ZNF184: variants seen among roughly 807,000 people sequenced by gnomAD.
The protein encoded by ZNF184 is zinc finger protein 184.
In ZNF184, 16 loss-of-function variants were observed where a neutral mutation model predicts 54.4. That is an observed-to-expected ratio of 0.29 (90% CI 0.20 to 0.45). The LOEUF is 0.45. Ranked by LOEUF, ZNF184 falls within the 20% of genes least tolerant of loss-of-function variation. ZNF184 has a pLI of 1.00. For missense variants in ZNF184, 681 were observed against 888.2 expected (o/e 0.77, Z 2.97); for synonymous variants, 254 against 295.3 (o/e 0.86, Z 1.43).
At chr6:27,464,367 T>C (rs1763071047) in intron 3 of ZNF184, among the ~76,000 whole-genome samples, 1 of 152,020 alleles carries the variant, frequency 6.6e-6, no homozygotes, top group Non-Finnish European at 1.5e-5. Context: ...ATAAAAACTG[T>C]GGTGGGGGGA....
At chr6:27,467,329 C>T (rs755668401) in intron 3 of ZNF184, among the ~76,000 whole-genome samples, 1 of 152,100 alleles carries the variant, frequency 6.6e-6, no homozygotes, top group Non-Finnish European at 1.5e-5. Context: ...GGCGTGGTGG[C>T]TCACACCTGC....
Position 27,452,271 on chromosome 6 carries a change from G to A in ZNF184, c.1288C>T (p.His430Tyr). 6.2e-7 allele frequency: 1 copy of A among 1,613,916 alleles called. No individual in the cohort carries two copies. The highest frequency in any genetic ancestry group is 8.5e-7 in the Non-Finnish European group (1 of 1,179,970). Residue 430 changes from histidine to tyrosine, a missense_variant, in exon 6 of 6, where the codon CAC becomes TAC. Physicochemically the swap from His to Tyr is moderately conservative, Grantham distance 83 (BLOSUM62 2). Coordinates refer to ENST00000683788, the MANE Select transcript of ZNF184 (RefSeq NM_001318891.2). The surrounding 1 kb of genome is among the most constrained non-coding windows in gnomAD (Gnocchi z 5.5). The part of the protein sequence containing the change: ...CNECGKAFSQ[H>Y]SNLTQHQKTH... ...TTTTGATGCTGAGTGAGGTTTGAGT[G>A]CTGGCTGAAGGCTTTCCCACATTCA...
chr6:27,466,245 C>T (rs1763135212), intron 3 of ZNF184, among the ~76,000 whole-genome samples: 1 of 152,002 alleles, frequency 6.6e-6, no homozygotes, highest in South Asian at 2.1e-4. Context: ...CCTCTAGAAG[C>T]TGGAAAAGGC....
rs1763306001 is a variant in ZNF184, at chr6:27,472,605, C to G, written c.-140+124G>C. 2.7e-6 allele frequency: 1 copy of G among 369,714 alleles called. No individual in the cohort carries two copies. 22.9% of individuals were successfully genotyped at this position (369,714 alleles called of 1,614,324 possible). A position where few individuals can be genotyped will look rare whatever the true frequency, so the allele number is the denominator to read the frequency against. ...GAGATCGGGTACGCGGGTTCTGCTT[C>G]AGATCCAAAAAACCCTTGGTGCCCA... On this transcript the variant is annotated intron_variant, in intron 1 of 5. Transcript: ENST00000683788. This position sits in a 1 kb window ranked among gnomAD's most constrained non-coding sequence, Gnocchi z 4.8.
chr6:27,456,200 G>C (rs1291289095), intron 5 of ZNF184, among the ~76,000 whole-genome samples: 1 of 152,068 alleles, frequency 6.6e-6, no homozygotes, highest in Non-Finnish European at 1.5e-5. Flanking sequence ...AGAAGCTGCA[G>C]TGAGCCAAGA....
the ZNF184 span, among the ~76,000 whole-genome samples, chr6:27,416,061 T>G: frequency 6.6e-6 from 1 of 152,230 alleles, no homozygotes; most frequent in Non-Finnish European, 1.5e-5. Context: ...CTTGCCTCTT[T>G]ACTTGTCTCT....
chr6:27,427,069 A>T, the ZNF184 span, among the ~76,000 whole-genome samples: 1 of 150,302 alleles, frequency 6.7e-6, no homozygotes, highest in Non-Finnish European at 1.5e-5. Context: ...AAAGATTTCT[A>T]GAACGTATTA....
the ZNF184 span, among the ~76,000 whole-genome samples, chr6:27,408,547 A>G: frequency 1.3e-5 from 2 of 152,354 alleles, no homozygotes; most frequent in East Asian, 3.9e-4. Context: ...AAGAATATCA[A>G]ATATTGAGTT....
chr6:27,466,508 G>T (rs1274842219), intron 3 of ZNF184, among the ~76,000 whole-genome samples: 1 of 152,094 alleles, frequency 6.6e-6, no homozygotes, highest in Non-Finnish European at 1.5e-5. Flanking sequence ...AAAAAAACAA[G>T]TCTCCATAAA....
the ZNF184 span, among the ~76,000 whole-genome samples, chr6:27,436,442 G>A: frequency 6.6e-6 from 1 of 152,184 alleles, no homozygotes; most frequent in African/African-American, 2.4e-5. Context: ...GGGATTACAG[G>A]CATGAGCCAC....
the ZNF184 span, among the ~76,000 whole-genome samples, chr6:27,418,615 C>T: frequency 6.6e-6 from 1 of 152,128 alleles, no homozygotes; most frequent in Non-Finnish European, 1.5e-5. Flanking sequence ...TTTTCTGACC[C>T]TAGGGAGTTG....
At chr6:27,442,880 A>AAAAAGAAAG in the ZNF184 span, among the ~76,000 whole-genome samples, 2 of 86,174 alleles carry the variant, frequency 2.3e-5, 1 homozygote, top group Non-Finnish European at 4.9e-5. Flanking sequence ...GAAAGAAAGA[A>AAAAAGAAAG]AAAGAAAAAA....
At chr6:27,456,692 A>T in intron 5 of ZNF184, 134 bp downstream of exon 5, 2 of 736,664 alleles carry the variant, frequency 2.7e-6, no homozygotes, top group Non-Finnish European at 4.4e-6. Context: ...TCCAGAAAAC[A>T]GATGTTTTCC....
the ZNF184 span, among the ~76,000 whole-genome samples, chr6:27,422,164 G>A: frequency 5.1e-5 from 2 of 39,458 alleles, 1 homozygote; most frequent in Non-Finnish European, 1.1e-4. Context: ...AAGAAAGAAA[G>A]AAAGAAAGAA....
chr6:27,419,698 C>T, the ZNF184 span, among the ~76,000 whole-genome samples: 2 of 95,938 alleles, frequency 2.1e-5, no homozygotes, highest in African/African-American at 3.3e-5. This position sits in a 1 kb window ranked among gnomAD's most constrained non-coding sequence, Gnocchi z 4.8. Context: ...TCATGCTCCA[C>T]AACAATCTTA....
At chr6:27,430,040 A>G in the ZNF184 span, among the ~76,000 whole-genome samples, 1 of 152,336 alleles carries the variant, frequency 6.6e-6, no homozygotes, top group East Asian at 1.9e-4. Flanking sequence ...TGGGTGGAGA[A>G]GTGACTAGGA....
intron 5 of ZNF184, among the ~76,000 whole-genome samples, chr6:27,455,800 C>T (rs1222011156): frequency 2.0e-5 from 3 of 152,100 alleles, no homozygotes; most frequent in Non-Finnish European, 4.4e-5. Flanking sequence ...TAAAGAAGAA[C>T]CTCACCTACA....
At chr6:27,422,221 G>GAAAGAAAGAAAGA in the ZNF184 span, among the ~76,000 whole-genome samples, 3 of 126,534 alleles carry the variant, frequency 2.4e-5, no homozygotes, top group African/African-American at 2.9e-5. Context: ...AGAAAGAAAA[G>GAAAGAAAGAAAGA]AAAAGAAATT....
chr6:27,460,311 T>C (rs1762965294), intron 3 of ZNF184, among the ~76,000 whole-genome samples: 1 of 152,172 alleles, frequency 6.6e-6, no homozygotes, highest in Non-Finnish European at 1.5e-5. Flanking sequence ...TAAAACTAAG[T>C]GAGAGAGCAA....
Sources: allele counts gnomAD v4.1 joint callset (sites outside exome capture counted in the v4.1 genomes callset), GRCh38; gene constraint gnomAD v4.1.1; non-coding constraint Gnocchi (gnomAD v3.1); transcripts MANE v1.5; gene names NCBI Gene and HGNC (gene_info 2026-07-23, HGNC 2026-07-21).